BCL2: variants seen among roughly 807,000 people sequenced by gnomAD.
BCL2 encodes the protein apoptosis regulator Bcl-2.
In BCL2, 1 loss-of-function variant was observed where a neutral mutation model predicts 14.2. The observed-to-expected ratio is 0.07, with a 90% confidence interval of 0.02 to 0.33. The LOEUF (loss-of-function observed/expected upper bound fraction) is 0.33. BCL2 is among the 10% of genes least tolerant of loss of function. BCL2 has a pLI of 0.99. For missense variants in BCL2, 247 were observed against 305.9 expected (o/e 0.81, Z 1.44); for synonymous variants, 151 against 137.2 (o/e 1.10, Z -0.70).
chr18:63,198,502 T>A (rs1458909849), intron 2 of BCL2, among the ~76,000 whole-genome samples: 85 of 31,762 alleles, frequency 2.7e-3, no homozygotes, highest in Admixed American at 4.9e-3. Context: ...AGACACACAT[T>A]GACACACAGA....
At chr18:63,254,814 A>G (rs1911423523) in intron 2 of BCL2, among the ~76,000 whole-genome samples, 1 of 152,206 alleles carries the variant, frequency 6.6e-6, no homozygotes, top group Non-Finnish European at 1.5e-5. Flanking sequence ...CTTCAAGTAG[A>G]TTGCCAGAAG....
chr18:63,293,656 T>C (rs758170645), intron 2 of BCL2, among the ~76,000 whole-genome samples: 15 of 152,166 alleles, frequency 9.9e-5, no homozygotes, highest in Non-Finnish European at 1.6e-4. Flanking sequence ...CATATGGTGC[T>C]TGTTCTGGGG....
intron 2 of BCL2, among the ~76,000 whole-genome samples, chr18:63,205,782 C>A (rs770775557): frequency 2.0e-5 from 3 of 152,150 alleles, no homozygotes; most frequent in South Asian, 4.1e-4. Flanking sequence ...GCTCCCACCC[C>A]CTGCTTGCAA....
intron 2 of BCL2, among the ~76,000 whole-genome samples, chr18:63,259,758 C>A (rs534111470): frequency 6.6e-6 from 1 of 152,190 alleles, no homozygotes; most frequent in African/African-American, 2.4e-5. Context: ...GTGGGAATTA[C>A]GCCAATGAGA....
intron 2 of BCL2, among the ~76,000 whole-genome samples, chr18:63,235,316 A>G (rs1324244819): frequency 6.6e-6 from 1 of 152,222 alleles, no homozygotes; most frequent in Non-Finnish European, 1.5e-5. Flanking sequence ...ATCCAAGAGA[A>G]ACTACCAGGC....
intron 2 of BCL2, among the ~76,000 whole-genome samples, chr18:63,310,371 G>A (rs899566339): frequency 6.6e-6 from 1 of 152,142 alleles, no homozygotes; most frequent in Admixed American, 6.5e-5. Flanking sequence ...TGCCTGCTTT[G>A]ACGCCTCCAG....
intron 2 of BCL2, among the ~76,000 whole-genome samples, chr18:63,198,159 GACACACACAC>G (rs137992605): frequency 3.3e-5 from 5 of 151,116 alleles, no homozygotes; most frequent in Non-Finnish European, 7.4e-5. Flanking sequence ...AAGATGTAGA[GACACACACAC>G]ACAGACATAC....
chr18:63,247,287 C>G (rs537816262), intron 2 of BCL2, among the ~76,000 whole-genome samples: 189 of 151,114 alleles, frequency 1.3e-3, no homozygotes, highest in African/African-American at 4.2e-3. Context: ...CAACCTCCCC[C>G]TCCCAAGTTC....
At chr18:63,276,448 C>G (rs923875768) in intron 2 of BCL2, among the ~76,000 whole-genome samples, 1 of 152,158 alleles carries the variant, frequency 6.6e-6, no homozygotes, top group African/African-American at 2.4e-5. Context: ...GCTGGACAAC[C>G]TGCAGTACAT....
At chr18:63,277,935 GA>G (rs1299940998) in intron 2 of BCL2, among the ~76,000 whole-genome samples, 1 of 152,178 alleles carries the variant, frequency 6.6e-6, no homozygotes, top group African/African-American at 2.4e-5. Flanking sequence ...TCACTGTACA[GA>G]AACACTCTAT....
chr18:63,303,664 C>T (rs56194797), intron 2 of BCL2, among the ~76,000 whole-genome samples: 20,711 of 152,146 alleles, frequency 0.14, 1,912 homozygotes, highest in Non-Finnish European at 0.21. Context: ...TCTATAAATC[C>T]ACTTCCTGCC....
At chr18:63,169,289 T>TTTCTTTCTTTC (rs1915135189) in intron 2 of BCL2, among the ~76,000 whole-genome samples, 1 of 73,994 alleles carries the variant, frequency 1.4e-5, no homozygotes, top group South Asian at 6.1e-4. Context: ...TCTTTCTTTC[T>TTTCTTTCTTTC]TTCTTTCTTT....
rs1293108627 is a variant in BCL2 at position 63,288,329 on chromosome 18, A to G, written c.585+29753T>C. ...GATTTTAGGCACATTATCCATTAAC[A>G]TACTTGCCACGAACACTACCATATT... On this transcript the variant is annotated intron_variant, in intron 2 of 2. Coordinates refer to ENST00000333681, the MANE Select transcript of BCL2 (RefSeq NM_000633.3). Among the ~76,000 whole-genome samples, 6 of 152,378 alleles carry G rather than the reference A, an allele frequency of 3.9e-5. No homozygotes were observed. The East Asian group carries it at 1.2e-3, about 29-fold the overall frequency.
At chr18:63,180,601 C>T (rs1915460529) in intron 2 of BCL2, among the ~76,000 whole-genome samples, 2 of 151,958 alleles carry the variant, frequency 1.3e-5, no homozygotes, top group Admixed American at 6.6e-5. Flanking sequence ...GAATGCTTCG[C>T]TGCCAGCCAG....
chr18:63,251,721 G>A (rs1419222038), intron 2 of BCL2, among the ~76,000 whole-genome samples: 3 of 147,216 alleles, frequency 2.0e-5, no homozygotes, highest in African/African-American at 5.0e-5. Context: ...TTTTTTTGAC[G>A]TAGTTTCTCT....
intron 2 of BCL2, among the ~76,000 whole-genome samples, chr18:63,272,609 A>G (rs1010405713): frequency 2.0e-5 from 3 of 152,222 alleles, no homozygotes; most frequent in Non-Finnish European, 4.4e-5. Context: ...ATCTTTAGCT[A>G]TATCAACAAC....
intron 2 of BCL2, among the ~76,000 whole-genome samples, chr18:63,186,967 G>A (rs887343621): frequency 1.3e-5 from 2 of 152,178 alleles, no homozygotes; most frequent in Non-Finnish European, 2.9e-5. Flanking sequence ...GTTTTCTTTT[G>A]TCTTCTTTTC....
At position 63,123,885 on chromosome 18, in the gene BCL2, T is replaced by C; in HGVS notation, c.*4740A>G. The C allele has an allele frequency of 4.6e-6, 1 of 218,954 alleles. No individual in the cohort carries two copies. The highest frequency in any genetic ancestry group is 9.2e-6 in the Non-Finnish European group (1 of 108,898). The allele number at this position is 218,954 out of a possible 1,614,324, so 13.6% of individuals were successfully genotyped here. ...TAGGTGCATGGATTTACTCAGTATC[T>C]ACACTACAGTCTTATTTATTAATAG... On this transcript the variant is annotated 3_prime_UTR_variant, in exon 3 of 3. Transcript: ENST00000333681.
chr18:63,198,968 C>CACAGACACACAG (rs1909590410), intron 2 of BCL2, among the ~76,000 whole-genome samples: 2 of 1,792 alleles, frequency 1.1e-3, no homozygotes, highest in African/African-American at 2.1e-3. Flanking sequence ...CAGACACACA[C>CACAGACACACAG]TGACACACAG....
Sources: gnomAD v4.1 joint callset for allele counts (sites outside exome capture counted in the v4.1 genomes callset) on GRCh38, gnomAD v4.1.1 for gene constraint, MANE v1.5 for transcripts, NCBI Gene and HGNC (gene_info 2026-07-23, HGNC 2026-07-21) for gene names.